Variants in CCDC144A observed in about 807,000 individuals in gnomAD.
CCDC144A encodes the protein coiled-coil domain containing 144A.
A neutral mutation model predicts 143.8 loss-of-function variants in CCDC144A; 41 were observed. That is an observed-to-expected ratio of 0.29 (90% CI 0.22 to 0.37). The LOEUF is 0.37. Ranked by LOEUF, CCDC144A falls within the 10% of genes least tolerant of loss-of-function variation. CCDC144A has a pLI of 1.00. For missense variants in CCDC144A, 637 were observed against 1,488.8 expected (o/e 0.43, Z 9.41); for synonymous variants, 242 against 517.9 (o/e 0.47, Z 7.23).
chr17:16,699,313 A>G (rs1911586525), intron 2 of CCDC144A, among the ~76,000 whole-genome samples: 1 of 148,738 alleles, frequency 6.7e-6, no homozygotes, highest in African/African-American at 2.5e-5. Flanking sequence ...TCCCGGCCAG[A>G]TAAGTTAAAA....
At chr17:16,725,002 A>ATTTTTTTTTTT (rs1167527388) in intron 8 of CCDC144A, among the ~76,000 whole-genome samples, 2 of 37,284 alleles carry the variant, frequency 5.4e-5, no homozygotes, top group Non-Finnish European at 1.1e-4. Flanking sequence ...ATAGCTGGTA[A>ATTTTTTTTTTT]TTTTTTTTTT....
intron 2 of CCDC144A, among the ~76,000 whole-genome samples, chr17:16,694,836 G>T (rs28626450): frequency 0.014 from 2,158 of 152,104 alleles, 44 homozygotes; most frequent in Admixed American, 0.055. Context: ...TAATTGCTAT[G>T]TTAACAGTAA....
the CCDC144A span, chr17:16,683,459 C>T: frequency 5.4e-6 from 7 of 1,289,282 alleles, no homozygotes; most frequent in Non-Finnish European, 7.7e-6. Flanking sequence ...CTGTCCCTGG[C>T]GGCAGAGTCG....
intron 12 of CCDC144A, among the ~76,000 whole-genome samples, chr17:16,743,206 GT>G (rs1264195407): frequency 6.6e-6 from 1 of 152,048 alleles, no homozygotes; most frequent in East Asian, 1.9e-4. Flanking sequence ...CTTGTTAGTA[GT>G]TTTATAATTT....
chr17:16,751,173 T>C lies in CCDC144A; in HGVS notation c.3373-10252T>C, dbSNP rs556645896. Among the ~76,000 whole-genome samples the C allele has an allele frequency of 1.3e-3, 200 of 152,364 alleles. 1 individual carries two copies. The highest frequency in any genetic ancestry group is 4.7e-3 in the African/African-American group (195 of 41,586). Reference sequence around the variant, plus strand: ...AAATGCTGATGTTTCTTTATCGTTTTGAAATTCCTGTCATTTGGATGGGGA... The same window carrying C: ...AAATGCTGATGTTTCTTTATCGTTTCGAAATTCCTGTCATTTGGATGGGGA... On this transcript the variant is annotated intron_variant, in intron 12 of 16. Transcript: ENST00000399273.
the CCDC144A span, among the ~76,000 whole-genome samples, chr17:16,681,180 G>A: frequency 2.0e-5 from 3 of 151,946 alleles, no homozygotes; most frequent in African/African-American, 7.2e-5. Context: ...AGCTAGGCTT[G>A]TCTTTTTTTA....
At chr17:16,700,797 A>G (rs968522755) in intron 2 of CCDC144A, among the ~76,000 whole-genome samples, 2 of 152,072 alleles carry the variant, frequency 1.3e-5, no homozygotes, top group African/African-American at 4.8e-5. Flanking sequence ...CTATGGCAAT[A>G]TTAAGTAATT....
At chr17:16,682,360 G>A in the CCDC144A span, among the ~76,000 whole-genome samples, 1 of 151,986 alleles carries the variant, frequency 6.6e-6, no homozygotes, top group Admixed American at 6.6e-5. Flanking sequence ...AACAGATAGG[G>A]GAAGAGCAAG....
chr17:16,720,350 G>C (rs890455295), intron 7 of CCDC144A, 119 bp downstream of exon 7: 6 of 1,348,666 alleles, frequency 4.4e-6, no homozygotes, highest in South Asian at 1.4e-5. Flanking sequence ...AAGTGATGAA[G>C]AAACAGTAAC....
In CCDC144A at chr17:16,734,701, G is replaced by T. The variant is rs1303480324; in HGVS notation, c.2430G>T (p.Arg810Ser). The T allele has an allele frequency of 3.2e-6, 5 of 1,559,582 alleles. No individual in the cohort carries two copies. The highest frequency in any genetic ancestry group is 4.3e-6 in the Non-Finnish European group (5 of 1,157,576). ...RKKMNSEISH[R>S]HQKEKDLFHE... ...CCTTTCTTACTTAGATTTCTCATAGGCATCAGAAAGAAAAGGATCTCTTTC... is the reference window on the plus strand; with the variant it reads ...CCTTTCTTACTTAGATTTCTCATAGTCATCAGAAAGAAAAGGATCTCTTTC... The change falls in exon 12 of 17, where the codon AGG becomes AGT. Residue 810 changes from arginine (R) to serine (S), a missense_variant. Physicochemically the swap from Arg to Ser is moderately radical, Grantham distance 110. Coordinates refer to ENST00000399273, the MANE Select transcript of CCDC144A (RefSeq NM_001382000.1).
At chr17:16,742,116 A>G (rs922397162) in intron 12 of CCDC144A, among the ~76,000 whole-genome samples, 1 of 151,876 alleles carries the variant, frequency 6.6e-6, no homozygotes, top group Non-Finnish European at 1.5e-5. Flanking sequence ...TTAGTTAACC[A>G]TATTCACCCT....
upstream of CCDC144A, among the ~76,000 whole-genome samples, chr17:16,687,705 C>T (rs1910832521): frequency 6.6e-6 from 1 of 152,162 alleles, no homozygotes; most frequent in Non-Finnish European, 1.5e-5. Context: ...AGCAATAGTT[C>T]TCATTCTTCC....
the CCDC144A span, chr17:16,683,570 C>T: frequency 6.2e-7 from 1 of 1,606,166 alleles, no homozygotes. Context: ...GGAATGAGTG[C>T]AAAGCACAGG....
chr17:16,746,361 G>A, intron 12 of CCDC144A: 1 of 1,237,180 alleles, frequency 8.1e-7, no homozygotes, highest in South Asian at 1.4e-5. Context: ...CGTTCTTCTC[G>A]CTTCTCTTCT....
At chr17:16,744,017 G>T (rs1223856329) in intron 12 of CCDC144A, among the ~76,000 whole-genome samples, 1 of 152,154 alleles carries the variant, frequency 6.6e-6, no homozygotes, top group Non-Finnish European at 1.5e-5. Flanking sequence ...GCAGTATTTT[G>T]TTCTTTTTAT....
intron 12 of CCDC144A, among the ~76,000 whole-genome samples, chr17:16,753,262 C>T (rs1485998022): frequency 4.6e-5 from 7 of 151,210 alleles, no homozygotes; most frequent in Non-Finnish European, 1.0e-4. Flanking sequence ...TGGTGACCAT[C>T]TTGTCTTCCC....
At chr17:16,759,587 G>A (rs1374483744) in intron 12 of CCDC144A, among the ~76,000 whole-genome samples, 2 of 150,058 alleles carry the variant, frequency 1.3e-5, no homozygotes, top group Admixed American at 6.6e-5. Context: ...TCAGGTTCCC[G>A]TATCGTTTTC....
chr17:16,715,357 T>C (rs1371513294), intron 6 of CCDC144A, among the ~76,000 whole-genome samples: 1 of 151,794 alleles, frequency 6.6e-6, no homozygotes. Flanking sequence ...CATGGGTTCA[T>C]TCTAACACTT....
chr17:16,708,071 T>C (rs1314375084), intron 4 of CCDC144A, among the ~76,000 whole-genome samples: 1 of 152,126 alleles, frequency 6.6e-6, no homozygotes, highest in Non-Finnish European at 1.5e-5. Flanking sequence ...AATCATACCT[T>C]GCAGAATGGG....
Sources: gnomAD v4.1 joint callset for allele counts (sites outside exome capture counted in the v4.1 genomes callset) on GRCh38, gnomAD v4.1.1 for gene constraint, MANE v1.5 for transcripts, NCBI Gene and HGNC (gene_info 2026-07-23, HGNC 2026-07-21) for gene names.